The following AFF4 variants were observed in gnomAD, a reference collection of about 807,000 sequenced individuals.
The protein encoded by AFF4 is ALF transcription elongation factor 4.
A neutral mutation model predicts 124.8 loss-of-function variants in AFF4; 13 were observed. The observed-to-expected ratio is 0.10, with a 90% CI of 0.07 to 0.17. AFF4 has a LOEUF of 0.17. Ranked by LOEUF, AFF4 falls within the 10% of genes least tolerant of loss-of-function variation. The pLI is 1.00. For missense variants in AFF4, 1,092 were observed against 1,403.8 expected, an observed-to-expected ratio of 0.78 and a Z score of 3.55; for synonymous variants, 477 against 496.1, an observed-to-expected ratio of 0.96 and a Z score of 0.51.
At chr5:132,942,779 A>C (rs1349333831) in intron 1 of AFF4, among the ~76,000 whole-genome samples, 1 of 152,128 alleles carries the variant, frequency 6.6e-6, no homozygotes, top group Admixed American at 6.6e-5. Context: ...AGATATTATT[A>C]ATCCTGCCAC....
chr5:132,915,350 G>A (rs73259148), intron 5 of AFF4, among the ~76,000 whole-genome samples: 23,029 of 150,270 alleles, frequency 0.15, 2,301 homozygotes, highest in East Asian at 0.44. Flanking sequence ...AAAGAAAAAA[G>A]AAAAAAGAAA....
At chr5:132,921,794 C>T (rs1761053868) in intron 5 of AFF4, among the ~76,000 whole-genome samples, 1 of 151,658 alleles carries the variant, frequency 6.6e-6, no homozygotes, top group Admixed American at 6.6e-5. Context: ...TTTTTCTTTC[C>T]CCCCCAGAGA....
At chr5:132,917,724 T>C (rs1760947092) in intron 5 of AFF4, among the ~76,000 whole-genome samples, 1 of 141,218 alleles carries the variant, frequency 7.1e-6, no homozygotes, top group East Asian at 2.0e-4. Flanking sequence ...TTTTTTTTTT[T>C]TTTTTTGAGA....
intron 1 of AFF4, among the ~76,000 whole-genome samples, chr5:132,939,964 A>G (rs62385347): frequency 0.51 from 77,936 of 152,098 alleles, 20,305 homozygotes; most frequent in East Asian, 0.72. Flanking sequence ...TTGAGAGGCC[A>G]AGGCGGGCGG....
chr5:132,898,775 C>T (rs1439721989), intron 9 of AFF4, among the ~76,000 whole-genome samples: 2 of 152,162 alleles, frequency 1.3e-5, no homozygotes, highest in African/African-American at 2.4e-5. Context: ...TGAGCCACCG[C>T]GCCCGGCTGC....
intron 10 of AFF4, 44 bp from the exon 11 acceptor site, chr5:132,897,284 C>A: frequency 6.4e-7 from 1 of 1,570,310 alleles, no homozygotes. Context: ...ATACTGAATG[C>A]TTTTTTCGTT....
rs201288317 is a variant in AFF4, at chr5:132,917,808, G to A, written c.1050+9313C>T. 1.6e-4 allele frequency among the ~76,000 whole-genome samples: 22 copies of A among 138,802 alleles called. No individual in the cohort carries two copies. In the East Asian group the frequency reaches 4.5e-3, roughly 28 times the overall value. 91.1% of individuals were successfully genotyped at this position (138,802 alleles called of 152,430 possible). A position where few individuals can be genotyped will look rare whatever the true frequency, so the allele number is the denominator to read the frequency against. On this transcript the variant is annotated intron_variant, in intron 5 of 20. Coordinates refer to ENST00000265343, the MANE Select transcript of AFF4 (RefSeq NM_014423.4). ...GCTCACTGCAACCTCCACCTCCCAG[G>A]TTCAAGGAATCCTCTTGCCTCAGCC... is the stretch of plus-strand genomic sequence containing the variant.
chr5:132,888,034 C>T (rs1760159875), intron 15 of AFF4, 52 bp from the exon 16 acceptor site: 1 of 1,607,554 alleles, frequency 6.2e-7, no homozygotes, highest in South Asian at 1.1e-5. Flanking sequence ...TGGCTACAAA[C>T]ATCAGAAGAT....
At chr5:132,917,705 C>CTTTTTTTT (rs58145774) in intron 5 of AFF4, among the ~76,000 whole-genome samples, 29 of 74,008 alleles carry the variant, frequency 3.9e-4, no homozygotes, top group African/African-American at 9.1e-4. Context: ...CTTTTCTTTT[C>CTTTTTTTT]TTTTTTTTTT....
chr5:132,951,482 G>T (rs1175231656), intron 1 of AFF4, among the ~76,000 whole-genome samples: 1 of 152,188 alleles, frequency 6.6e-6, no homozygotes, highest in Non-Finnish European at 1.5e-5. Context: ...CCTGTAAGCA[G>T]TAGACACTAT....
chr5:132,923,154 C>T (rs781057051), intron 5 of AFF4, among the ~76,000 whole-genome samples: 17 of 151,502 alleles, frequency 1.1e-4, no homozygotes, highest in Non-Finnish European at 1.9e-4. Flanking sequence ...CCAGCCTGGG[C>T]AACAGAGCAA....
chr5:132,939,788 T>A (rs1761524786), intron 1 of AFF4, among the ~76,000 whole-genome samples: 1 of 152,212 alleles, frequency 6.6e-6, no homozygotes, highest in Admixed American at 6.5e-5. Context: ...TTTTTGTATT[T>A]TTAGTAGCGA....
At position 132,922,943 on chromosome 5, in the gene AFF4, G is replaced by A. The variant is rs572003399; in HGVS notation, c.1050+4178C>T. Among the ~76,000 whole-genome samples, 6 of 151,908 alleles carry A rather than the reference G, an allele frequency of 3.9e-5. No individual in the cohort carries two copies. The East Asian group carries it at 5.8e-4, about 15-fold the overall frequency. ...TGTAATCCCAGCACTTTGGGAGGCC[G>A]AGGTGGGCAGATTAGGAGGTAAGGA... On this transcript the variant is annotated intron_variant, in intron 5 of 20. Transcript: ENST00000265343.
At chr5:132,898,698 G>T (rs912309748) in intron 9 of AFF4, among the ~76,000 whole-genome samples, 1 of 151,890 alleles carries the variant, frequency 6.6e-6, no homozygotes, top group Non-Finnish European at 1.5e-5. Context: ...TGGTCAGGTG[G>T]GTCTCAAACT....
In AFF4 at chr5:132,907,934, G is replaced by T. The variant is rs142928062; in HGVS notation, c.1051-3530C>A. On this transcript the variant is annotated intron_variant, in intron 5 of 20. Coordinates refer to ENST00000265343, the MANE Select transcript of AFF4 (RefSeq NM_014423.4). The stretch of plus-strand genomic sequence containing the variant: ...GACTTATAGACCATATTAAAGACCT[G>T]TGTGTGTGCAGCTTATTAAGTAGGA... Among the ~76,000 whole-genome samples the T allele has an allele frequency of 7.1e-4, 108 of 152,246 alleles. 1 individual carries two copies. The highest frequency in any genetic ancestry group is 1.7e-3 in the South Asian group (8 of 4,814).
chr5:132,934,057 G>C lies in AFF4; in HGVS notation c.918+90C>G, dbSNP rs3798124. The C allele has an allele frequency of 4.6e-3, 6,403 of 1,381,890 alleles. 354 individuals are homozygous for C. In the East Asian group the frequency reaches 0.12, roughly 27 times the overall value. 85.6% of individuals were successfully genotyped at this position (1,381,890 alleles called of 1,614,324 possible). A position where few individuals can be genotyped will look rare whatever the true frequency, so the allele number is the denominator to read the frequency against. ...TTTACATTCCTTACTATTAAGGCAA[G>C]GAAGCAGTGTTCAAGTTCAATCGTA... On this transcript the variant is annotated intron_variant, in intron 3 of 20. Coordinates refer to ENST00000265343, the MANE Select transcript of AFF4 (RefSeq NM_014423.4).
chr5:132,934,649 C>T lies in AFF4; in HGVS notation c.416G>A (p.Gly139Asp). Residue 139 changes from glycine (G) to aspartate (D), a missense_variant, in exon 3 of 21, where the codon GGT (glycine) becomes GAT (aspartate). Physicochemically the swap from Gly to Asp is moderately conservative, Grantham distance 94. This residue lies in a region of AFF4 where 188 missense variants were observed against 203.0 expected (regional missense o/e 0.93). Coordinates refer to ENST00000265343, the MANE Select transcript of AFF4 (RefSeq NM_014423.4). ...ACTACTGTTAGTGCCACTACTGCTACCTGCGCTGGTCCGCTGGCTACTATG... is the reference window on the plus strand; with the variant it reads ...ACTACTGTTAGTGCCACTACTGCTATCTGCGCTGGTCCGCTGGCTACTATG... Reference protein sequence around the residue: ...SGHSSQRTSAGSSSGTNSSGQ... With the variant: ...SGHSSQRTSADSSSGTNSSGQ... The T allele has an allele frequency of 6.2e-7, 1 of 1,614,114 alleles. No individual in the cohort carries two copies. Among genetic ancestry groups the T allele is most frequent in the Admixed American group, 1.7e-5 (1 of 60,006 alleles).
chr5:132,936,278 A>G (rs1031076253), intron 2 of AFF4, among the ~76,000 whole-genome samples: 2 of 149,982 alleles, frequency 1.3e-5, no homozygotes, highest in African/African-American at 4.9e-5. Flanking sequence ...AAAAAAAAAA[A>G]AAAAAAAAAA....
At chr5:132,937,415 A>C (rs1479901955) in intron 1 of AFF4, among the ~76,000 whole-genome samples, 1 of 152,198 alleles carries the variant, frequency 6.6e-6, no homozygotes, top group African/African-American at 2.4e-5. Flanking sequence ...AGAATATTAG[A>C]ACCCACCCCA....
Sources: gnomAD v4.1 joint callset for allele counts (sites outside exome capture counted in the v4.1 genomes callset) on GRCh38, gnomAD v4.1.1 for gene constraint, gnomAD v4.1.1 regional missense constraint, MANE v1.5 for transcripts, NCBI Gene and HGNC (gene_info 2026-07-23, HGNC 2026-07-21) for gene names.